The following SNX31 variants were observed in gnomAD, a reference collection of about 807,000 sequenced individuals.
SNX31 encodes sorting nexin-31.
A neutral mutation model predicts 65.4 loss-of-function variants in SNX31; 58 were observed. The ratio of observed to expected loss-of-function variants is 0.89; its 90% confidence interval spans 0.72 to 1.10. SNX31 has a LOEUF of 1.10. Ranked by LOEUF, SNX31 falls within the 50% of genes least tolerant of loss-of-function variation. The pLI, the probability that SNX31 is intolerant of heterozygous loss-of-function variation, is 0.00. For missense variants in SNX31, 523 were observed against 529.7 expected (o/e 0.99, Z 0.12); for synonymous variants, 181 against 190.1 (o/e 0.95, Z 0.39).
At chr8:100,628,815 T>TGA (rs768919190) in intron 4 of SNX31, among the ~76,000 whole-genome samples, 1 of 82,108 alleles carries the variant, frequency 1.2e-5, no homozygotes. Context: ...ATAAAATGGG[T>TGA]GTGTGTGTGT....
At chr8:100,634,767 A>AAAAAAAAAAAAAC (rs1385589733) in intron 3 of SNX31, among the ~76,000 whole-genome samples, 1 of 151,592 alleles carries the variant, frequency 6.6e-6, no homozygotes, top group African/African-American at 2.4e-5. Context: ...AAAAAAAAAA[A>AAAAAAAAAAAAAC]ATTAAATATT....
intron 8 of SNX31, among the ~76,000 whole-genome samples, chr8:100,603,975 T>TGA (rs1815904615): frequency 6.6e-6 from 1 of 152,194 alleles, no homozygotes; most frequent in African/African-American, 2.4e-5. Flanking sequence ...TAATCTCAGG[T>TGA]ACTCTGCCCA....
intron 2 of SNX31, among the ~76,000 whole-genome samples, chr8:100,641,804 C>A (rs915629128): frequency 2.7e-5 from 4 of 149,462 alleles, no homozygotes; most frequent in Non-Finnish European, 4.4e-5. Context: ...ATAGGCCGGG[C>A]GTGGTGGCTC....
intron 11 of SNX31, among the ~76,000 whole-genome samples, chr8:100,586,929 G>T (rs1814099098): frequency 2.0e-5 from 3 of 152,302 alleles, no homozygotes; most frequent in Middle Eastern, 3.4e-3. Flanking sequence ...TTAGTAAAAA[G>T]GACTTTTCAA....
chr8:100,641,625 CATATATATATATAT>C lies in SNX31; in HGVS notation c.142-5628_142-5615del, dbSNP rs368399829. Among the ~76,000 whole-genome samples, 6 of 48,836 alleles carry C rather than the reference CATATATATATATAT, an allele frequency of 1.2e-4. 1 individual carries two copies. The highest frequency in any genetic ancestry group is 3.0e-4 in the Admixed American group (1 of 3,336). 32.0% of individuals were successfully genotyped at this position (48,836 alleles called of 152,430 possible). ...ATACACACACACACGCACACACGCG[CATATATATATATAT>C]ATATATATATATATATATATGTATG... On this transcript the variant is annotated intron_variant, in intron 2 of 13. Coordinates refer to ENST00000311812, the MANE Select transcript of SNX31 (RefSeq NM_152628.4).
chr8:100,624,754 GGT>G (rs1480507185), intron 4 of SNX31, among the ~76,000 whole-genome samples: 1 of 151,998 alleles, frequency 6.6e-6, no homozygotes, highest in Non-Finnish European at 1.5e-5. Context: ...AAGTCAACCT[GGT>G]AGAATTGGCT....
intron 4 of SNX31, among the ~76,000 whole-genome samples, chr8:100,628,682 T>A (rs1818215549): frequency 1.3e-5 from 2 of 152,066 alleles, no homozygotes; most frequent in East Asian, 3.9e-4. Flanking sequence ...ATGGCACATG[T>A]CTACATATGT....
At chr8:100,600,622 A>T (rs1315784851) in intron 8 of SNX31, among the ~76,000 whole-genome samples, 181 bp from the exon 9 acceptor site, 1 of 152,170 alleles carries the variant, frequency 6.6e-6, no homozygotes. Context: ...CAGCTTGGGG[A>T]CAATTGGCAA....
chr8:100,603,901 C>T (rs1322797470), intron 8 of SNX31, among the ~76,000 whole-genome samples: 1 of 152,232 alleles, frequency 6.6e-6, no homozygotes, highest in Non-Finnish European at 1.5e-5. Flanking sequence ...CCACACCTGG[C>T]TAATTTTTGT....
At chr8:100,603,305 A>G (rs1191072852) in intron 8 of SNX31, among the ~76,000 whole-genome samples, 1 of 152,222 alleles carries the variant, frequency 6.6e-6, no homozygotes, top group African/African-American at 2.4e-5. Flanking sequence ...ATGGCTGTGT[A>G]AGGATAAACA....
At chr8:100,621,327 T>C (rs1817675506) in intron 4 of SNX31, among the ~76,000 whole-genome samples, 1 of 152,200 alleles carries the variant, frequency 6.6e-6, no homozygotes, top group Non-Finnish European at 1.5e-5. Context: ...CTCAAAAGCA[T>C]CCCAGTTTGG....
In SNX31 at chr8:100,635,912, G is replaced by T; in HGVS notation, c.241C>A (p.Gln81Lys). The change falls in exon 3 of 14, where the codon CAA becomes AAA. Residue 81 changes from glutamine (Q) to lysine (K), a missense_variant. Gln to Lys is a moderately conservative substitution (Grantham distance 53). Transcript: ENST00000311812. ...MADERRDQLE[Q>K]YLQNVTMDPN... ...AAATACATACCATTTTGCAAATATT[G>T]TTCCAGTTGGTCCCTCCTCTCATCA... 6.2e-7 allele frequency: 1 copy of T among 1,612,818 alleles called. No individual in the cohort carries two copies. Among genetic ancestry groups the T allele is most frequent in the Non-Finnish European group, 8.5e-7 (1 of 1,178,956 alleles).
intron 3 of SNX31, among the ~76,000 whole-genome samples, chr8:100,634,503 T>C (rs1482382235): frequency 1.3e-5 from 2 of 152,008 alleles, no homozygotes; most frequent in African/African-American, 4.8e-5. Context: ...TCCCAGTACT[T>C]TGGGAAGCTG....
At chr8:100,597,812 G>C (rs1449847656) in intron 9 of SNX31, among the ~76,000 whole-genome samples, 3 of 152,182 alleles carry the variant, frequency 2.0e-5, no homozygotes, top group Admixed American at 6.5e-5. Flanking sequence ...ACTGATCAAG[G>C]CATCCTGTCA....
Position 100,614,290 on chromosome 8 carries a change from C to T in SNX31, c.433-1205G>A, listed in dbSNP as rs1816981068. ...GACATCTTTCCCAGAGTAAACCTGA[C>T]CCAGGTCCACTCAAGTTAGATTTCC... On this transcript the variant is annotated intron_variant, in intron 5 of 13. Coordinates refer to ENST00000311812, the MANE Select transcript of SNX31 (RefSeq NM_152628.4). This position sits in a 1 kb window ranked among gnomAD's most constrained non-coding sequence, Gnocchi z 5.1. 6.6e-6 allele frequency among the ~76,000 whole-genome samples: 1 copy of T among 152,098 alleles called. No individual in the cohort carries two copies. The highest frequency in any genetic ancestry group is 2.1e-4 in the South Asian group (1 of 4,824).
At chr8:100,637,593 T>G (rs758646257) in intron 2 of SNX31, among the ~76,000 whole-genome samples, 3 of 152,236 alleles carry the variant, frequency 2.0e-5, no homozygotes, top group African/African-American at 7.2e-5. Flanking sequence ...CTATCATCTC[T>G]TTTCTAGATT....
chr8:100,593,208 G>A (rs866663858), intron 10 of SNX31, among the ~76,000 whole-genome samples: 30 of 152,242 alleles, frequency 2.0e-4, no homozygotes, highest in Middle Eastern at 3.4e-3. Context: ...CAATAAAGCC[G>A]TTATAAAGAA....
chr8:100,592,200 A>G (rs1437118865), intron 10 of SNX31, among the ~76,000 whole-genome samples: 1 of 152,208 alleles, frequency 6.6e-6, no homozygotes, highest in African/African-American at 2.4e-5. Flanking sequence ...TTGGAGAAAA[A>G]AAGTAGCATG....
rs1280719515 is a variant in SNX31 at position 100,576,579 on chromosome 8, CATTG to C, written c.1227+436_1227+439del. On this transcript the variant is annotated intron_variant, in intron 13 of 13. Coordinates refer to ENST00000311812, the MANE Select transcript of SNX31 (RefSeq NM_152628.4). The surrounding 1 kb of genome is among the most constrained non-coding windows in gnomAD (Gnocchi z 4.8). ...GGCAATAATGAGTGCTCAAAAATGT[CATTG>C]ATTGTGATTTTTTCTATTATTATCT... is the stretch of plus-strand genomic sequence containing the variant. 6.6e-6 allele frequency among the ~76,000 whole-genome samples: 1 copy of C among 152,160 alleles called. No individual in the cohort carries two copies. Among genetic ancestry groups the C allele is most frequent in the East Asian group, 1.9e-4 (1 of 5,198 alleles).
Sources: gnomAD v4.1 joint callset for allele counts (sites outside exome capture counted in the v4.1 genomes callset) on GRCh38, gnomAD v4.1.1 for gene constraint, Gnocchi (gnomAD v3.1) non-coding constraint, MANE v1.5 for transcripts, NCBI Gene and HGNC (gene_info 2026-07-23, HGNC 2026-07-21) for gene names.